MRPL39: variants seen among roughly 807,000 people sequenced by gnomAD.
MRPL39 encodes the protein large ribosomal subunit protein mL39.
In MRPL39, 35 loss-of-function variants were observed where a neutral mutation model predicts 44.5. That is an observed-to-expected ratio of 0.79 (90% confidence interval 0.60 to 1.04). The LOEUF is 1.04. MRPL39 is among the 50% of genes least tolerant of loss of function. The pLI, the probability that MRPL39 is intolerant of heterozygous loss-of-function variation, is 0.00. For missense variants in MRPL39, 433 were observed against 413.5 expected (o/e 1.05, Z -0.41); for synonymous variants, 139 against 136.1 (o/e 1.02, Z -0.15).
chr21:25,589,678 TG>T (rs1385767606), intron 8 of MRPL39, among the ~76,000 whole-genome samples: 1 of 152,168 alleles, frequency 6.6e-6, no homozygotes, highest in Non-Finnish European at 1.5e-5. Flanking sequence ...CAACTGAAAG[TG>T]GTAACAAGAC....
chr21:25,601,204 C>T (rs2031511683), intron 4 of MRPL39, among the ~76,000 whole-genome samples, 164 bp downstream of exon 4: 1 of 152,122 alleles, frequency 6.6e-6, no homozygotes, highest in Non-Finnish European at 1.5e-5. Context: ...TATTAACCTG[C>T]AAAGACTACT....
intron 2 of MRPL39, among the ~76,000 whole-genome samples, chr21:25,606,172 G>A (rs1365381150): frequency 6.6e-6 from 1 of 152,152 alleles, no homozygotes; most frequent in Non-Finnish European, 1.5e-5. Context: ...TTGAGAGACA[G>A]GGTGGCTATG....
chr21:25,590,849 G>A (rs1200356344), intron 8 of MRPL39, among the ~76,000 whole-genome samples: 2 of 152,088 alleles, frequency 1.3e-5, no homozygotes, highest in Admixed American at 1.3e-4. Context: ...TAACAAGGGA[G>A]GAATTACTCT....
chr21:25,605,399 G>C lies in MRPL39; in HGVS notation c.280+1050C>G, dbSNP rs1368816066. Reference sequence around the variant, plus strand: ...TTTACCCCAATCACATTCACCCCATGCACATTCCCACTCACACATTTACCA... The same window carrying C: ...TTTACCCCAATCACATTCACCCCATCCACATTCCCACTCACACATTTACCA... On this transcript the variant is annotated intron_variant, in intron 2 of 9. Transcript: ENST00000352957. Among the ~76,000 whole-genome samples the C allele has an allele frequency of 2.0e-5, 3 of 152,208 alleles. No homozygotes were observed. In the East Asian group the frequency reaches 5.8e-4, roughly 29 times the overall value.
Position 25,606,577 on chromosome 21 carries a change from T to G in MRPL39, c.152A>C (p.Glu51Ala). 6.2e-7 allele frequency: 1 copy of G among 1,614,088 alleles called. No homozygotes were observed. The highest frequency in any genetic ancestry group is 1.7e-5 in the Admixed American group (1 of 60,028). Residue 51 changes from glutamate to alanine, a missense_variant, in exon 2 of 10, where the codon GAG becomes GCG. Transcript: ENST00000352957. Reference sequence around the variant, plus strand: ...AGTTAATGATAACTGCCTGGCTTTCTCTTTATTAAAGAGATCATTCCGCAT... The same window carrying G: ...AGTTAATGATAACTGCCTGGCTTTCGCTTTATTAAAGAGATCATTCCGCAT... ...TEMRNDLFNK[E>A]KARQLSLTPR... is the part of the protein sequence containing the mutation.
At chr21:25,588,723 ACT>A (rs1307886941) in intron 9 of MRPL39, 110 bp downstream of exon 9, 1 of 996,770 alleles carries the variant, frequency 1.0e-6, no homozygotes, top group Non-Finnish European at 1.5e-6. Flanking sequence ...GAGACAACTT[ACT>A]TTTTTCCTTT....
Position 25,585,724 on chromosome 21 carries a change from CCT to C in MRPL39, c.998_999del (p.Glu333GlyfsTer10). 3 of 1,565,676 alleles carry C rather than the reference CCT, an allele frequency of 1.9e-6. No individual in the cohort carries two copies. The highest frequency in any genetic ancestry group is 2.6e-6 in the Non-Finnish European group (3 of 1,147,564). ...MVTEDQSKAT[E>X]ECTST ...GAAAGTTATTAGGTAGATGTACATT[CCT>C]CTGTTGCTTTACTTTGATCTTCAGT... On this transcript the variant is annotated frameshift_variant, in exon 10 of 10. Transcript: ENST00000352957. LOFTEE classifies it high-confidence loss of function.
chr21:25,592,708 T>TTAAGAAAAA, intron 8 of MRPL39, 104 bp downstream of exon 8: 1 of 868,046 alleles, frequency 1.2e-6, no homozygotes, highest in Non-Finnish European at 1.6e-6. Flanking sequence ...GTCACATAAC[T>TTAAGAAAAA]TAAGAAAAAT....
chr21:25,597,260 A>G, intron 6 of MRPL39, 42 bp downstream of exon 6: 1 of 1,266,292 alleles, frequency 7.9e-7, no homozygotes, highest in African/African-American at 1.5e-5. Flanking sequence ...TACATATAAT[A>G]CTGGGAGAGT....
intron 2 of MRPL39, among the ~76,000 whole-genome samples, chr21:25,604,363 G>C (rs997983458): frequency 1.3e-5 from 2 of 152,168 alleles, no homozygotes; most frequent in African/African-American, 4.8e-5. Context: ...GCTACATCTA[G>C]TTTGAAATTA....
chr21:25,591,096 A>ACCC (rs1568860644), intron 8 of MRPL39, among the ~76,000 whole-genome samples: 1 of 146,330 alleles, frequency 6.8e-6, no homozygotes, highest in Admixed American at 6.8e-5. Context: ...AAAAAAAAAA[A>ACCC]AAAAAAACCT....
chr21:25,592,971 T>G lies in MRPL39; in HGVS notation c.768-6A>C, dbSNP rs199821391. The G allele has an allele frequency of 1.3e-4, 205 of 1,579,894 alleles. No homozygotes were observed. The African/African-American group carries it at 2.5e-3, about 19-fold the overall frequency. On this transcript the variant is annotated splice_polypyrimidine_tract_variant and splice_region_variant and intron_variant, in intron 7 of 9. Transcript: ENST00000352957. ...CATCAATGAAGTCACCTATTCTGAT[T>G]GATTTAAAAATAAATAAACAAAACT...
intron 3 of MRPL39, among the ~76,000 whole-genome samples, chr21:25,602,412 A>G (rs1699489863): frequency 6.6e-6 from 1 of 152,242 alleles, no homozygotes; most frequent in African/African-American, 2.4e-5. Flanking sequence ...CAGAGTTTGT[A>G]TGAAGGTTAA....
In MRPL39 at chr21:25,593,914, T is replaced by C. The variant is rs1359902969; in HGVS notation, c.746A>G (p.Glu249Gly). 1 of 1,613,680 alleles carries C rather than the reference T, an allele frequency of 6.2e-7. No homozygotes were observed. Among genetic ancestry groups the C allele is most frequent in the African/African-American group, 1.3e-5 (1 of 74,926 alleles). ...FIEEKASQNP[E>G]RIVKLHRIGD... The stretch of plus-strand genomic sequence containing the variant: ...TTACCTGTGTAGCTTGACTATTCTC[T>C]CAGGGTTCTGAGATGCCTTCTCTTC... The change falls in exon 7 of 10, where the codon GAG becomes GGG. Residue 249 changes from glutamate (E) to glycine (G), a missense_variant. By Grantham distance (98) the Glu-to-Gly change is moderately conservative. Transcript: ENST00000352957.
At chr21:25,588,766 G>T in intron 9 of MRPL39, 69 bp downstream of exon 9, 2 of 1,366,730 alleles carry the variant, frequency 1.5e-6, no homozygotes, top group Admixed American at 2.0e-5. Flanking sequence ...TCCCCCCTTT[G>T]GTTGTTATTG....
In MRPL39 at chr21:25,601,403, T is replaced by C. The variant is rs1424392730; in HGVS notation, c.485A>G (p.Tyr162Cys). 6.2e-7 allele frequency: 1 copy of C among 1,611,136 alleles called. No homozygotes were observed. Among genetic ancestry groups the C allele is most frequent in the Non-Finnish European group, 8.5e-7 (1 of 1,178,334 alleles). The change falls in exon 4 of 10, where the codon TAT (tyrosine) becomes TGT (cysteine). Residue 162 changes from tyrosine to cysteine, a missense_variant. Tyr to Cys is a radical substitution (Grantham distance 194). Transcript: ENST00000352957. ...CVIERAFKDEYMVNLVRAPEV... is the reference protein window; with the variant it reads ...CVIERAFKDECMVNLVRAPEV... ...TGGAGCTCTGACCAAATTGACCATA[T>C]ATTCATCTTTGAATGCCCTCTCTAT...
At chr21:25,587,877 T>G (rs2829806) in intron 9 of MRPL39, 651,980 of 970,970 alleles carry the variant, frequency 0.67, 231,300 homozygotes, top group Non-Finnish European at 0.75. Flanking sequence ...GCTTAACCAG[T>G]GTTTGTGGCA....
rs557342134 is a variant in MRPL39, at chr21:25,587,285, C to T, written c.970-1531G>A. On this transcript the variant is annotated intron_variant, in intron 9 of 9. Transcript: ENST00000352957. ...TTAATTTTACTTAACTCCAAGTAAACATGCTGAACATTTTTTCTTTAGTTT... is the reference window on the plus strand; with the variant it reads ...TTAATTTTACTTAACTCCAAGTAAATATGCTGAACATTTTTTCTTTAGTTT... Among the ~76,000 whole-genome samples the T allele has an allele frequency of 3.3e-5, 5 of 152,098 alleles. No homozygotes were observed. The South Asian group carries it at 1.0e-3, about 32-fold the overall frequency.
Position 25,599,787 on chromosome 21 carries a change from G to GA in MRPL39, c.588+11dup. ...ACACTCTAAAATTAATACTCCAGAA[G>GA]AATACACTTACTTTTGTTGGCATCC... On this transcript the variant is annotated intron_variant, in intron 5 of 9. Transcript: ENST00000352957. 1.3e-6 allele frequency: 2 copies of GA among 1,598,454 alleles called. No homozygotes were observed. Among genetic ancestry groups the GA allele is most frequent in the Non-Finnish European group, 1.7e-6 (2 of 1,166,220 alleles).
Sources: allele counts gnomAD v4.1 joint callset (sites outside exome capture counted in the v4.1 genomes callset), GRCh38; gene constraint gnomAD v4.1.1; transcripts MANE v1.5; gene names NCBI Gene and HGNC (gene_info 2026-07-23, HGNC 2026-07-21).